Variants in CEACAM21 observed in about 807,000 individuals in gnomAD.
CEACAM21 encodes the protein CEA cell adhesion molecule 21.
In CEACAM21, 38 loss-of-function variants were observed where a neutral mutation model predicts 33.2. The ratio of observed to expected loss-of-function variants is 1.14; its 90% confidence interval spans 0.88 to 1.50. The LOEUF (loss-of-function observed/expected upper bound fraction) is 1.50. Among genes scored for constraint, CEACAM21 ranks in the 40% most tolerant of loss-of-function variants. The pLI is 0.00. For synonymous variants in CEACAM21, 156 were observed against 143.0 expected, an observed-to-expected ratio of 1.09 and a Z score of -0.65; for missense variants, 385 against 364.6, an observed-to-expected ratio of 1.06 and a Z score of -0.46.
chr19:41,577,330 T>G lies in CEACAM21; in HGVS notation c.195T>G (p.Tyr65Ter), dbSNP rs781935793. 3.7e-6 allele frequency: 6 copies of G among 1,613,980 alleles called. No homozygotes were observed. The African/African-American group carries it at 8.0e-5, about 22-fold the overall frequency. The change falls in exon 2 of 7, where the codon TAT becomes TAG. Residue 65 changes from tyrosine to a stop codon, truncating the protein, a stop_gained. Transcript: ENST00000401445. LOFTEE classifies it high-confidence loss of function. ...ATCTGCCCGAGAATCTTTACAGCTA[T>G]GGCTGGTACAAAGGGAAAACGGTGG... ...VVYLPENLYS[Y>*]GWYKGKTVEP...
chr19:41,552,412 G>T (rs1256756146), intron 1 of CEACAM21: 6 of 152,272 alleles, frequency 3.9e-5, no homozygotes, highest in Middle Eastern at 6.8e-3. Flanking sequence ...GTTTTGTCAT[G>T]CTGTAAGGCC....
upstream of CEACAM21, among the ~76,000 whole-genome samples, chr19:41,573,434 C>T (rs1221515646): frequency 6.6e-6 from 1 of 152,212 alleles, no homozygotes; most frequent in Non-Finnish European, 1.5e-5. Context: ...CTACTTTCAC[C>T]CTGCTGAGCC....
intron 3 of CEACAM21, among the ~76,000 whole-genome samples, chr19:41,579,926 C>T (rs926085463): frequency 2.0e-5 from 3 of 152,136 alleles, no homozygotes; most frequent in Non-Finnish European, 2.9e-5. Flanking sequence ...GAGATTAATG[C>T]GATTAAAGCC....
intron 3 of CEACAM21, among the ~76,000 whole-genome samples, chr19:41,581,548 T>C (rs1317115991): frequency 3.3e-5 from 5 of 152,204 alleles, no homozygotes; most frequent in African/African-American, 1.2e-4. Flanking sequence ...TCTTGGCTGC[T>C]GATAAAGACA....
At chr19:41,552,935 T>C (rs990337081) in intron 1 of CEACAM21, among the ~76,000 whole-genome samples, 1 of 151,478 alleles carries the variant, frequency 6.6e-6, no homozygotes, top group Admixed American at 6.6e-5. Context: ...TTAAGAAAAA[T>C]GGGGAAAAAG....
Position 41,576,313 on chromosome 19 carries a change from C to G in CEACAM21, c.39C>G (p.Ile13Met). ...PPSACPHRECIPWQGLLLTAS... is the reference protein window; with the variant it reads ...PPSACPHRECMPWQGLLLTAS... Reference sequence around the variant, plus strand: ...CAGCTTGTCCCCACAGAGAATGCATCCCCTGGCAGGGGCTCTTGCTCACAG... The same window carrying G: ...CAGCTTGTCCCCACAGAGAATGCATGCCCTGGCAGGGGCTCTTGCTCACAG... The change falls in exon 1 of 7, where the codon ATC (isoleucine) becomes ATG (methionine). Residue 13 changes from isoleucine to methionine, a missense_variant. Physicochemically the swap from Ile to Met is conservative, Grantham distance 10. Coordinates refer to ENST00000401445, the MANE Select transcript of CEACAM21 (RefSeq NM_001098506.4). The G allele has an allele frequency of 6.2e-7, 1 of 1,612,492 alleles. No homozygotes were observed. The highest frequency in any genetic ancestry group is 8.5e-7 in the Non-Finnish European group (1 of 1,179,084).
intron 2 of CEACAM21, among the ~76,000 whole-genome samples, chr19:41,565,892 A>G (rs2042228088): frequency 6.7e-6 from 1 of 148,882 alleles, no homozygotes; most frequent in African/African-American, 2.5e-5. Context: ...GAACGAATAG[A>G]ACAAATGCCT....
At chr19:41,573,463 G>T (rs1555790038), upstream of CEACAM21, among the ~76,000 whole-genome samples, 1 of 152,160 alleles carries the variant, frequency 6.6e-6, no homozygotes, top group African/African-American at 2.4e-5. Flanking sequence ...CCCAACCAGG[G>T]TCACTGCCTT....
intron 5 of CEACAM21, 82 bp downstream of exon 5, chr19:41,585,577 G>A: frequency 6.9e-7 from 1 of 1,454,488 alleles, no homozygotes; most frequent in South Asian, 1.1e-5. Flanking sequence ...TACACCCAGG[G>A]GCCTCTGACC....
At chr19:41,574,073 G>A (rs535822283), upstream of CEACAM21, among the ~76,000 whole-genome samples, 3 of 152,246 alleles carry the variant, frequency 2.0e-5, no homozygotes, top group South Asian at 6.2e-4. Context: ...TTTTGACATG[G>A]GTGCCAAGAT....
chr19:41,568,852 T>A (rs551970300), intron 2 of CEACAM21, among the ~76,000 whole-genome samples: 1 of 152,272 alleles, frequency 6.6e-6, no homozygotes, highest in Non-Finnish European at 1.5e-5. Context: ...ATTGGTGTTT[T>A]GACAGAAATT....
chr19:41,584,142 A>G (rs2070528082), intron 3 of CEACAM21, among the ~76,000 whole-genome samples: 1 of 152,144 alleles, frequency 6.6e-6, no homozygotes, highest in Non-Finnish European at 1.5e-5. Flanking sequence ...GTAGGAGTTG[A>G]TGCATCCCAG....
At chr19:41,564,299 G>T (rs2042102048) in intron 1 of CEACAM21, among the ~76,000 whole-genome samples, 1 of 152,124 alleles carries the variant, frequency 6.6e-6, no homozygotes, top group South Asian at 2.1e-4. Flanking sequence ...CTGAATTCCT[G>T]CCGCAAATAA....
chr19:41,584,170 ACAGAAAATGGTGCAAC>A (rs1347786289), intron 3 of CEACAM21, among the ~76,000 whole-genome samples, 161 bp from the exon 4 acceptor site: 1 of 152,128 alleles, frequency 6.6e-6, no homozygotes, highest in Non-Finnish European at 1.5e-5. Context: ...AGCCTAAGAC[ACAGAAAATGGTGCAAC>A]CACGGAGAGC....
intron 1 of CEACAM21, among the ~76,000 whole-genome samples, chr19:41,554,271 G>C (rs2041403759): frequency 6.6e-6 from 1 of 151,934 alleles, no homozygotes; most frequent in South Asian, 2.1e-4. Context: ...GCACCTGTTA[G>C]GGCTTTATAG....
chr19:41,555,253 TCCTTTCATGA>T (rs555318776), intron 1 of CEACAM21: 1 of 151,074 alleles, frequency 6.6e-6, no homozygotes, highest in Non-Finnish European at 1.5e-5. Flanking sequence ...ACTCATCTAC[TCCTTTCATGA>T]AACATTGCAA....
intron 2 of CEACAM21, among the ~76,000 whole-genome samples, chr19:41,568,250 CT>C (rs1555788713): frequency 2.6e-5 from 4 of 151,646 alleles, no homozygotes; most frequent in Admixed American, 6.6e-5. Flanking sequence ...CTCTGCTGGC[CT>C]TTTTTTTCTT....
At chr19:41,554,400 C>G (rs1555785084) in intron 1 of CEACAM21, among the ~76,000 whole-genome samples, 1 of 151,988 alleles carries the variant, frequency 6.6e-6, no homozygotes, top group African/African-American at 2.4e-5. Context: ...TCTGTTACCT[C>G]TGTGGCCCAC....
rs2042930827 is a variant in CEACAM21 at position 41,576,222 on chromosome 19, C to T, written c.-53C>T. On this transcript the variant is annotated 5_prime_UTR_variant, in exon 1 of 7. Transcript: ENST00000401445. Reference sequence around the variant, plus strand: ...TCACAGTAACCCTGTCTAGAGCGTTCCTGGAGCCCAAGCTCCTCTCCACAG... The same window carrying T: ...TCACAGTAACCCTGTCTAGAGCGTTTCTGGAGCCCAAGCTCCTCTCCACAG... The T allele has an allele frequency of 7.5e-6, 12 of 1,600,620 alleles. No individual in the cohort carries two copies. The highest frequency in any genetic ancestry group is 1.0e-5 in the Non-Finnish European group (12 of 1,167,994).
Sources: gnomAD v4.1 joint callset for allele counts (sites outside exome capture counted in the v4.1 genomes callset) on GRCh38, gnomAD v4.1.1 for gene constraint, MANE v1.5 for transcripts, NCBI Gene and HGNC (gene_info 2026-07-23, HGNC 2026-07-21) for gene names.